The following GABRB2 variants were observed in gnomAD, a reference collection of about 807,000 sequenced individuals.
GABRB2 encodes gamma-aminobutyric acid type A receptor subunit beta2, also known as gamma-aminobutyric acid receptor subunit beta-2.
Under a neutral mutation model 54.7 loss-of-function variants are expected in GABRB2, and 16 were observed. The observed-to-expected ratio is 0.29, with a 90% CI of 0.20 to 0.44. The LOEUF (loss-of-function observed/expected upper bound fraction) is 0.44, where lower values mean the gene tolerates loss of function less well. GABRB2 is among the 20% of genes least tolerant of loss of function. The pLI is 1.00. For missense variants in GABRB2, 355 were observed against 644.0 expected (o/e 0.55, Z 4.86); for synonymous variants, 244 against 233.8 (o/e 1.04, Z -0.40).
chr5:161,381,694 T>C lies in GABRB2; in HGVS notation c.541+29281A>G, dbSNP rs547434335. 6.6e-5 allele frequency among the ~76,000 whole-genome samples: 10 copies of C among 152,256 alleles called. No homozygotes were observed. The East Asian group carries it at 1.5e-3, about 24-fold the overall frequency. The stretch of plus-strand genomic sequence containing the variant: ...AGTAGGGTGACACTGTCCATGGATC[T>C]CCATGCTGAAGATGAAATAATAAAG... On this transcript the variant is annotated intron_variant, in intron 5 of 9. Transcript: ENST00000393959.
chr5:161,402,521 A>T (rs1756228443), intron 5 of GABRB2, among the ~76,000 whole-genome samples: 1 of 152,200 alleles, frequency 6.6e-6, no homozygotes, highest in African/African-American at 2.4e-5. Context: ...TTCAGCCAAA[A>T]ATGTTGAAAA....
At chr5:161,383,980 T>G (rs947680572) in intron 5 of GABRB2, among the ~76,000 whole-genome samples, 2 of 152,168 alleles carry the variant, frequency 1.3e-5, no homozygotes, top group Admixed American at 1.3e-4. Context: ...CTCCACCTCC[T>G]GAGTTCAAGT....
At chr5:161,442,956 G>A (rs1757509391) in intron 4 of GABRB2, among the ~76,000 whole-genome samples, 1 of 152,110 alleles carries the variant, frequency 6.6e-6, no homozygotes, top group Non-Finnish European at 1.5e-5. Flanking sequence ...GCACAGAGAT[G>A]TCATGGCTCA....
intron 3 of GABRB2, among the ~76,000 whole-genome samples, chr5:161,460,061 C>T (rs1327062285): frequency 6.6e-6 from 1 of 152,240 alleles, no homozygotes; most frequent in Non-Finnish European, 1.5e-5. Flanking sequence ...TCTCCTGCCT[C>T]AGCCTTCCAA....
At chr5:161,432,297 T>C (rs1757192349) in intron 4 of GABRB2, among the ~76,000 whole-genome samples, 1 of 152,194 alleles carries the variant, frequency 6.6e-6, no homozygotes, top group Non-Finnish European at 1.5e-5. Flanking sequence ...CTAACAAGGT[T>C]TTGAATGAAT....
chr5:161,380,229 T>C (rs1755423756), intron 5 of GABRB2, among the ~76,000 whole-genome samples: 1 of 152,158 alleles, frequency 6.6e-6, no homozygotes, highest in South Asian at 2.1e-4. Context: ...GTTTTTGGAA[T>C]CAGGTATGCC....
chr5:161,299,052 G>A lies in GABRB2; in HGVS notation c.1192-4624C>T, dbSNP rs147933220. Among the ~76,000 whole-genome samples, 468 of 152,190 alleles carry A rather than the reference G, an allele frequency of 3.1e-3. 1 individual carries two copies. The highest frequency in any genetic ancestry group is 0.01 in the African/African-American group (423 of 41,508). ...ATAAGGCACTCTCAGTGCATGGTAG[G>A]GGCAGTCAACTGGAGGGGCAGGGTA... On this transcript the variant is annotated intron_variant, in intron 9 of 9. Transcript: ENST00000393959.
chr5:161,517,959 C>A (rs1386097916), intron 3 of GABRB2, among the ~76,000 whole-genome samples: 1 of 151,364 alleles, frequency 6.6e-6, no homozygotes. Flanking sequence ...ACCACACCCG[C>A]CACCACGCCC....
chr5:161,322,792 T>C (rs1163304084), intron 9 of GABRB2, among the ~76,000 whole-genome samples: 1 of 152,124 alleles, frequency 6.6e-6, no homozygotes, highest in African/African-American at 2.4e-5. Flanking sequence ...AAATTGATTA[T>C]CTTTCTTACT....
intron 9 of GABRB2, among the ~76,000 whole-genome samples, chr5:161,296,923 A>G (rs1395000484): frequency 1.3e-5 from 2 of 152,242 alleles, no homozygotes; most frequent in African/African-American, 4.8e-5. Flanking sequence ...ACTAACTGAA[A>G]TAAAATATGT....
At chr5:161,410,341 T>C (rs1317650268) in intron 5 of GABRB2, among the ~76,000 whole-genome samples, 1 of 151,134 alleles carries the variant, frequency 6.6e-6, no homozygotes, top group East Asian at 1.9e-4. Flanking sequence ...AATCATGGCC[T>C]AGGAAAGCAA....
intron 3 of GABRB2, among the ~76,000 whole-genome samples, chr5:161,465,193 A>G (rs1320834415): frequency 1.3e-5 from 2 of 152,106 alleles, no homozygotes; most frequent in Non-Finnish European, 2.9e-5. Context: ...AAGTCAAAAG[A>G]ACAACTATAG....
chr5:161,516,606 T>C (rs13183805), intron 3 of GABRB2, among the ~76,000 whole-genome samples: 3,689 of 152,320 alleles, frequency 0.024, 54 homozygotes, highest in African/African-American at 0.034. Flanking sequence ...ATGCCACACA[T>C]TCCCTATATA....
intron 9 of GABRB2, among the ~76,000 whole-genome samples, chr5:161,311,548 C>T (rs933628774): frequency 2.0e-5 from 3 of 152,164 alleles, no homozygotes. Flanking sequence ...GTTCTTAAAC[C>T]TGTGTTAGGC....
intron 5 of GABRB2, among the ~76,000 whole-genome samples, chr5:161,375,832 A>T (rs779612304): frequency 2.0e-5 from 3 of 152,158 alleles, no homozygotes; most frequent in Non-Finnish European, 4.4e-5. Flanking sequence ...GATGAAGAAG[A>T]TGATGATTAT....
chr5:161,541,076 G>A (rs1198666181), intron 3 of GABRB2, among the ~76,000 whole-genome samples: 3 of 152,176 alleles, frequency 2.0e-5, no homozygotes, highest in East Asian at 1.9e-4. Context: ...GAATGTCTGG[G>A]CTCAAGGTAT....
At chr5:161,295,980 G>C (rs538201770) in intron 9 of GABRB2, among the ~76,000 whole-genome samples, 2 of 152,308 alleles carry the variant, frequency 1.3e-5, no homozygotes, top group Admixed American at 1.3e-4. Context: ...CCTACAGAAG[G>C]AAGGAACATT....
At chr5:161,294,966 T>C (rs2113335170) in intron 9 of GABRB2, among the ~76,000 whole-genome samples, 1 of 152,324 alleles carries the variant, frequency 6.6e-6, no homozygotes, top group African/African-American at 2.4e-5. Flanking sequence ...TTGATGTTTC[T>C]TAAAACCCCC....
intron 5 of GABRB2, among the ~76,000 whole-genome samples, chr5:161,392,120 C>T (rs1001987297): frequency 1.3e-5 from 2 of 152,120 alleles, no homozygotes; most frequent in Admixed American, 6.6e-5. Context: ...CTCATCATGG[C>T]CCCTGTGTTC....
Sources: allele counts gnomAD v4.1 joint callset (sites outside exome capture counted in the v4.1 genomes callset), GRCh38; gene constraint gnomAD v4.1.1; transcripts MANE v1.5; gene names NCBI Gene and HGNC (gene_info 2026-07-23, HGNC 2026-07-21).